Variants in ZCCHC2 observed in about 807,000 individuals in gnomAD.
ZCCHC2 encodes the protein zinc finger CCHC-type containing 2.
In ZCCHC2, 39 loss-of-function variants were observed where a neutral mutation model predicts 103.6. The ratio of observed to expected loss-of-function variants is 0.38; its 90% CI spans 0.29 to 0.49. The LOEUF (loss-of-function observed/expected upper bound fraction) is 0.49, where lower values mean the gene tolerates loss of function less well. ZCCHC2 is among the 20% of genes least tolerant of loss of function. The probability of loss-of-function intolerance (pLI) is 0.96; values close to 1 mark genes in which losing one functional copy is unlikely to be tolerated. For missense variants in ZCCHC2, 1,483 were observed against 1,491.0 expected, an observed-to-expected ratio of 0.99 and a Z score of 0.09; for synonymous variants, 687 against 608.9, an observed-to-expected ratio of 1.13 and a Z score of -1.89.
chr18:62,584,457 G>T (rs1323492523), exon 15 of ZCCHC2: 1 of 152,148 alleles, frequency 6.6e-6, no homozygotes, highest in Non-Finnish European at 1.5e-5. Flanking sequence ...TCCAATTTGA[G>T]CCGCTGTGAA....
intron 1 of ZCCHC2, among the ~76,000 whole-genome samples, chr18:62,529,674 A>C (rs972794252): frequency 6.6e-6 from 1 of 152,180 alleles, no homozygotes. Flanking sequence ...ACATTTTTCT[A>C]TGCAGTCATT....
At chr18:62,546,616 G>A (rs538123961) in intron 4 of ZCCHC2, among the ~76,000 whole-genome samples, 140 of 152,284 alleles carry the variant, frequency 9.2e-4, no homozygotes, top group African/African-American at 3.2e-3. Context: ...GCCAGTGTGC[G>A]TGTGGGGTCC....
At chr18:62,543,982 C>T (rs149755519) in intron 3 of ZCCHC2, among the ~76,000 whole-genome samples, 1,559 of 152,222 alleles carry the variant, frequency 0.01, 30 homozygotes, top group African/African-American at 0.035. Flanking sequence ...ATAAAGATAC[C>T]AATTTTAGAC....
In ZCCHC2 at chr18:62,578,456, G is replaced by T. The variant is rs1184624548; in HGVS notation, c.*1877G>T. ...TATGTTACCTTCTCCTTATTTGTAT[G>T]TTTACCATATACTTTGATATTTGAA... On this transcript the variant is annotated 3_prime_UTR_variant, in exon 14 of 14. Coordinates refer to ENST00000269499, the MANE Select transcript of ZCCHC2 (RefSeq NM_017742.6). 6.6e-6 allele frequency: 1 copy of T among 152,466 alleles called. No individual in the cohort carries two copies. The highest frequency in any genetic ancestry group is 1.5e-5 in the Non-Finnish European group (1 of 68,012). The allele number at this position is 152,466 out of a possible 1,614,324, so 9.4% of individuals were successfully genotyped here.
At chr18:62,549,736 T>C (rs1323669147) in intron 4 of ZCCHC2, among the ~76,000 whole-genome samples, 1 of 152,236 alleles carries the variant, frequency 6.6e-6, no homozygotes, top group African/African-American at 2.4e-5. Flanking sequence ...TTTTGTGGTT[T>C]CTAGCACATT....
Position 62,523,879 on chromosome 18 carries a change from C to T in ZCCHC2, c.455C>T (p.Ala152Val). 1 of 1,542,602 alleles carries T rather than the reference C, an allele frequency of 6.5e-7. No homozygotes were observed. Among genetic ancestry groups the T allele is most frequent in the Non-Finnish European group, 8.7e-7 (1 of 1,145,748 alleles). Residue 152 changes from alanine (A) to valine (V), a missense_variant, in exon 1 of 14, where the codon GCC becomes GTC. Physicochemically the swap from Ala to Val is moderately conservative, Grantham distance 64. Coordinates refer to ENST00000269499, the MANE Select transcript of ZCCHC2 (RefSeq NM_017742.6). ...TACCTGCGCGACTCGGAGGCCAAGG[C>T]CAACGGCCTCTCGGACCCGGGGCCG... Reference protein sequence around the residue: ...YHYLRDSEAKANGLSDPGPLA... With the variant: ...YHYLRDSEAKVNGLSDPGPLA...
At chr18:62,564,342 T>G (rs1056905306) in intron 9 of ZCCHC2, among the ~76,000 whole-genome samples, 1 of 152,176 alleles carries the variant, frequency 6.6e-6, no homozygotes, top group African/African-American at 2.4e-5. Flanking sequence ...TAGGTCCATT[T>G]TCAAAGAAAA....
Position 62,574,159 on chromosome 18 carries a change from T to C in ZCCHC2, c.2078T>C (p.Ile693Thr). 6.2e-7 allele frequency: 1 copy of C among 1,614,066 alleles called. No individual in the cohort carries two copies. Residue 693 changes from isoleucine to threonine, a missense_variant, in exon 13 of 14, where the codon ATT (isoleucine) becomes ACT (threonine). Transcript: ENST00000269499. ...QTVTVKPPVQ[I>T]ASLGNENGNL... ...GTCACTGTCAAGCCACCTGTTCAAA[T>C]TGCTTCACTAGGAAATGAGAATGGA... is the stretch of plus-strand genomic sequence containing the variant.
chr18:62,550,917 C>T (rs1231635725), intron 5 of ZCCHC2, among the ~76,000 whole-genome samples: 1 of 152,106 alleles, frequency 6.6e-6, no homozygotes, highest in Non-Finnish European at 1.5e-5. Context: ...AGGTTTTGCC[C>T]TCGTAAGGTT....
chr18:62,579,081 T>C (rs1453750338), downstream of ZCCHC2, among the ~76,000 whole-genome samples: 1 of 152,138 alleles, frequency 6.6e-6, no homozygotes, highest in African/African-American at 2.4e-5. Flanking sequence ...CAAGTAACTT[T>C]ATATAGAGGT....
chr18:62,562,199 A>G (rs1021056124), intron 8 of ZCCHC2, among the ~76,000 whole-genome samples: 34 of 151,900 alleles, frequency 2.2e-4, no homozygotes, highest in African/African-American at 8.0e-4. Context: ...ACGGAGTTTC[A>G]CTATGTTGGC....
chr18:62,561,370 C>T (rs905308545), intron 8 of ZCCHC2, among the ~76,000 whole-genome samples: 1 of 152,210 alleles, frequency 6.6e-6, no homozygotes, highest in Admixed American at 6.5e-5. Context: ...TTATTCTCTC[C>T]ACTCACCTCC....
chr18:62,581,527 AGCGCT>A (rs1196913036), downstream of ZCCHC2, among the ~76,000 whole-genome samples: 1 of 5,228 alleles, frequency 1.9e-4, no homozygotes, highest in Non-Finnish European at 2.7e-4. Context: ...ATGGTGTCAC[AGCGCT>A]GTGGAAGGCC....
intron 9 of ZCCHC2, among the ~76,000 whole-genome samples, chr18:62,564,160 G>A (rs1313281456): frequency 4.6e-5 from 7 of 152,090 alleles, no homozygotes; most frequent in Admixed American, 1.3e-4. Flanking sequence ...TTCAAAGCCC[G>A]TCTGAGTTTA....
intron 11 of ZCCHC2, among the ~76,000 whole-genome samples, chr18:62,567,925 A>G (rs1916435443): frequency 1.7e-5 from 2 of 118,940 alleles, no homozygotes; most frequent in Middle Eastern, 4.0e-3. Context: ...AGCCGGGGCG[A>G]CAGAATGAGA....
intron 3 of ZCCHC2, among the ~76,000 whole-genome samples, chr18:62,543,163 C>T (rs186796981): frequency 1.7e-3 from 257 of 152,206 alleles, no homozygotes; most frequent in Non-Finnish European, 3.1e-3. Context: ...TTGGATGGCA[C>T]GCACCCTGAA....
intron 4 of ZCCHC2, among the ~76,000 whole-genome samples, chr18:62,548,033 A>G (rs941331356): frequency 5.3e-5 from 8 of 152,164 alleles, no homozygotes; most frequent in Admixed American, 1.3e-4. Context: ...TTAATGAACA[A>G]GGGGTGCTAC....
At chr18:62,567,938 C>T (rs1227365009) in intron 11 of ZCCHC2, among the ~76,000 whole-genome samples, 21 of 10,158 alleles carry the variant, frequency 2.1e-3, no homozygotes, top group Non-Finnish European at 1.6e-3. Context: ...GAATGAGACT[C>T]TGTCTCAAAA....
At chr18:62,557,212 A>C (rs998070296) in intron 6 of ZCCHC2, among the ~76,000 whole-genome samples, 1 of 152,022 alleles carries the variant, frequency 6.6e-6, no homozygotes, top group African/African-American at 2.4e-5. Flanking sequence ...CTACACATCT[A>C]CCTCAGCCTG....
Sources: gnomAD v4.1 joint callset for allele counts (sites outside exome capture counted in the v4.1 genomes callset) on GRCh38, gnomAD v4.1.1 for gene constraint, MANE v1.5 for transcripts, NCBI Gene and HGNC (gene_info 2026-07-23, HGNC 2026-07-21) for gene names.